The following ARHGEF37 variants were observed in gnomAD, a reference collection of about 807,000 sequenced individuals.
ARHGEF37 encodes the protein Rho guanine nucleotide exchange factor (GEF) 37.
Under a neutral mutation model 71.1 loss-of-function variants are expected in ARHGEF37, and 55 were observed. That is an observed-to-expected ratio of 0.77 (90% CI 0.62 to 0.97). The LOEUF is 0.97. Ranked by LOEUF, ARHGEF37 falls within the 50% of genes least tolerant of loss-of-function variation. ARHGEF37 has a pLI of 0.00. For missense variants in ARHGEF37, 765 were observed against 836.8 expected, an observed-to-expected ratio of 0.91 and a Z score of 1.06; for synonymous variants, 327 against 350.6, an observed-to-expected ratio of 0.93 and a Z score of 0.75.
At chr5:149,624,635 G>A (rs759796991) in intron 10 of ARHGEF37, among the ~76,000 whole-genome samples, 2 of 80,732 alleles carry the variant, frequency 2.5e-5, no homozygotes, top group Admixed American at 1.0e-4. Flanking sequence ...TTAGCTGAGC[G>A]TGGTGGTGTG....
chr5:149,573,233 TA>T (rs1436966388), intron 1 of ARHGEF37, among the ~76,000 whole-genome samples: 1 of 152,132 alleles, frequency 6.6e-6, no homozygotes, highest in African/African-American at 2.4e-5. Context: ...CACCTCTCAT[TA>T]GGCCCCACCT....
chr5:149,568,452 A>T (rs1321345126), intron 1 of ARHGEF37, among the ~76,000 whole-genome samples: 1 of 152,176 alleles, frequency 6.6e-6, no homozygotes, highest in Admixed American at 6.5e-5. Context: ...AAATTTACAT[A>T]CTGAGAAACA....
chr5:149,595,429 C>T (rs1763517890), intron 1 of ARHGEF37, among the ~76,000 whole-genome samples: 1 of 152,310 alleles, frequency 6.6e-6, no homozygotes, highest in East Asian at 1.9e-4. Context: ...AAGCCTCTTG[C>T]CTTAGCCTCC....
chr5:149,625,830 C>T (rs1420916302), intron 10 of ARHGEF37, among the ~76,000 whole-genome samples: 1 of 151,644 alleles, frequency 6.6e-6, no homozygotes, highest in Admixed American at 6.6e-5. Flanking sequence ...GAACCCAGCA[C>T]AAGTGAGGTG....
At chr5:149,604,428 T>A (rs970602866) in intron 3 of ARHGEF37, among the ~76,000 whole-genome samples, 8 of 152,148 alleles carry the variant, frequency 5.3e-5, no homozygotes, top group African/African-American at 1.7e-4. Context: ...TATTCCTCTC[T>A]CCCCTGCAAC....
At chr5:149,629,087 C>G in intron 12 of ARHGEF37, 121 bp downstream of exon 12, 1 of 1,296,824 alleles carries the variant, frequency 7.7e-7, no homozygotes, top group African/African-American at 1.5e-5. Flanking sequence ...CTCTGTGAGA[C>G]CAAGGCCTTG....
intron 8 of ARHGEF37, among the ~76,000 whole-genome samples, chr5:149,621,355 G>T (rs1273971742): frequency 3.3e-5 from 5 of 151,960 alleles, no homozygotes; most frequent in Non-Finnish European, 7.4e-5. Context: ...TGGGAGGATC[G>T]CTTGAGCCTG....
chr5:149,624,175 G>C (rs777864495), intron 10 of ARHGEF37, 35 bp downstream of exon 10: 51 of 1,581,448 alleles, frequency 3.2e-5, no homozygotes, highest in Non-Finnish European at 3.5e-6. Flanking sequence ...AGACTGTCCA[G>C]TTCTTCACTG....
intron 3 of ARHGEF37, among the ~76,000 whole-genome samples, chr5:149,608,038 G>A (rs1763965976): frequency 6.6e-6 from 1 of 152,020 alleles, no homozygotes; most frequent in Non-Finnish European, 1.5e-5. Context: ...ACAGTGCTGG[G>A]ATTACAGGCA....
At chr5:149,604,676 ATTTTT>A (rs528100482) in intron 3 of ARHGEF37, among the ~76,000 whole-genome samples, 6 of 91,688 alleles carry the variant, frequency 6.5e-5, no homozygotes, top group African/African-American at 2.6e-4. Context: ...CAGCAACACC[ATTTTT>A]TTTTTTTTTT....
At chr5:149,558,278 C>T (rs1224102446) in intron 1 of ARHGEF37, among the ~76,000 whole-genome samples, 2 of 152,040 alleles carry the variant, frequency 1.3e-5, no homozygotes, top group Non-Finnish European at 2.9e-5. Flanking sequence ...GAGGCTGAGG[C>T]GGGCGGATCA....
At chr5:149,617,630 C>T (rs569932509) in intron 5 of ARHGEF37, among the ~76,000 whole-genome samples, 1 of 152,312 alleles carries the variant, frequency 6.6e-6, no homozygotes, top group South Asian at 2.1e-4. Flanking sequence ...TGCTTCCTGT[C>T]GCAGAACTGG....
chr5:149,554,090 C>A (rs1204444714), intron 1 of ARHGEF37, among the ~76,000 whole-genome samples: 1 of 152,186 alleles, frequency 6.6e-6, no homozygotes, highest in Non-Finnish European at 1.5e-5. Flanking sequence ...ATCGCTTGAA[C>A]TGGGGAGGTA....
intron 11 of ARHGEF37, among the ~76,000 whole-genome samples, chr5:149,628,229 G>A (rs1752758127): frequency 6.6e-6 from 1 of 152,214 alleles, no homozygotes; most frequent in Non-Finnish European, 1.5e-5. Flanking sequence ...AGCTCGGCTG[G>A]TTGAACGTAA....
chr5:149,600,187 A>G (rs1449875083), intron 2 of ARHGEF37, among the ~76,000 whole-genome samples: 2 of 152,258 alleles, frequency 1.3e-5, no homozygotes, highest in African/African-American at 4.8e-5. Flanking sequence ...AAGGTACAGT[A>G]AAAATATGAT....
chr5:149,561,977 A>G (rs1762838360), intron 1 of ARHGEF37, among the ~76,000 whole-genome samples: 1 of 152,162 alleles, frequency 6.6e-6, no homozygotes, highest in Admixed American at 6.5e-5. Context: ...CACTATAGTA[A>G]TCTAACTCTT....
intron 1 of ARHGEF37, among the ~76,000 whole-genome samples, chr5:149,556,035 C>T (rs928127883): frequency 3.3e-5 from 5 of 152,040 alleles, no homozygotes; most frequent in Non-Finnish European, 2.9e-5. Context: ...CACTGGTATC[C>T]AGAATGTGCT....
Position 149,628,818 on chromosome 5 carries a change from G to C in ARHGEF37, c.1670G>C (p.Gly557Ala), listed in dbSNP as rs1752783006. The change falls in exon 12 of 13, where the codon GGG becomes GCG. Residue 557 changes from glycine to alanine, a missense_variant. Around this residue, in one of 5 missense-constraint regions of ARHGEF37, gnomAD observed 390 missense variants for 407.4 expected, o/e 0.96. Transcript: ENST00000333677. ...RWLVDTGGHR[G>A]YVPAGKLQLY... ...TCTGCATGCTCCCTAGGACATCGTG[G>C]GTATGTGCCGGCTGGGAAACTACAG... 6.2e-7 allele frequency: 1 copy of C among 1,612,840 alleles called. No individual in the cohort carries two copies. The highest frequency in any genetic ancestry group is 1.3e-5 in the African/African-American group (1 of 74,912).
rs372019080 is a variant in ARHGEF37 at position 149,621,818 on chromosome 5, G to A, written c.1091G>A (p.Arg364His). The A allele has an allele frequency of 1.4e-4, 227 of 1,614,108 alleles. 1 individual carries two copies. Among genetic ancestry groups the A allele is most frequent in the South Asian group, 8.9e-4 (81 of 91,086 alleles). Residue 364 changes from arginine to histidine, a missense_variant, in exon 9 of 13, where the codon CGT becomes CAT. Transcript: ENST00000333677. ...LLGPQNLIKK[R>H]LDKLLDFERV... Reference sequence around the variant, plus strand: ...GGCCCTCAGAACCTGATCAAGAAGCGTCTGGACAAGCTACTGGACTTTGAG... The same window carrying A: ...GGCCCTCAGAACCTGATCAAGAAGCATCTGGACAAGCTACTGGACTTTGAG...
Sources: allele counts gnomAD v4.1 joint callset (sites outside exome capture counted in the v4.1 genomes callset), GRCh38; gene constraint gnomAD v4.1.1; regional missense constraint gnomAD v4.1.1; transcripts MANE v1.5; gene names NCBI Gene and HGNC (gene_info 2026-07-23, HGNC 2026-07-21).